The following PRMT9 variants were observed in gnomAD, a reference collection of about 807,000 sequenced individuals.
The protein encoded by PRMT9 is protein arginine methyltransferase 9.
PRMT9 carries 59 observed loss-of-function variants against 83.2 expected under a neutral mutation model. The observed-to-expected ratio is 0.71, with a 90% CI of 0.57 to 0.88. The LOEUF (loss-of-function observed/expected upper bound fraction) is 0.88. Ranked by LOEUF, PRMT9 falls within the 40% of genes least tolerant of loss-of-function variation. The probability of loss-of-function intolerance (pLI) is 0.00; values close to 1 mark genes in which losing one functional copy is unlikely to be tolerated. For missense variants in PRMT9, 947 were observed against 1,021.9 expected (o/e 0.93, Z 1.00); for synonymous variants, 333 against 353.2 (o/e 0.94, Z 0.64).
intron 2 of PRMT9, among the ~76,000 whole-genome samples, chr4:147,678,725 T>C (rs138563319): frequency 6.6e-6 from 1 of 152,190 alleles, no homozygotes; most frequent in African/African-American, 2.4e-5. Flanking sequence ...CAGCTCCCAG[T>C]AGAAACCCTG....
At chr4:147,665,192 G>A (rs376814323) in intron 6 of PRMT9, among the ~76,000 whole-genome samples, 35 of 149,652 alleles carry the variant, frequency 2.3e-4, no homozygotes, top group Non-Finnish European at 4.3e-4. Flanking sequence ...TCCTTTTGTC[G>A]TAATTTGAAA....
In PRMT9 at chr4:147,638,635, G is replaced by A; in HGVS notation, c.2435C>T (p.Ala812Val). The A allele has an allele frequency of 6.2e-7, 1 of 1,613,376 alleles. No homozygotes were observed. The highest frequency in any genetic ancestry group is 8.5e-7 in the Non-Finnish European group (1 of 1,179,366). Residue 812 changes from alanine (A) to valine (V), a missense_variant, in exon 12 of 12, where the codon GCT becomes GTT. Coordinates refer to ENST00000322396, the MANE Select transcript of PRMT9 (RefSeq NM_138364.4). ...TSSEASHWKQ[A>V]AVVLDNPIQV... ...GATGGGATTATCTAAAACAACTGCA[G>A]CTTGTTTCCAGTGGGAGGCTTCACT...
Position 147,673,869 on chromosome 4 carries a change from C to G in PRMT9, c.344G>C (p.Gly115Ala), listed in dbSNP as rs1735898905. ...NSMGEHLFRM[G>A]FRDEAAGYFH... Reference sequence around the variant, plus strand: ...ATACCCAGCTGCTTCATCCCTAAAGCCCATTCTAGAGTAAAAAATGACAAA... The same window carrying G: ...ATACCCAGCTGCTTCATCCCTAAAGGCCATTCTAGAGTAAAAAATGACAAA... Residue 115 changes from glycine (G) to alanine (A), a missense_variant, in exon 3 of 12, where the codon GGC becomes GCC. Transcript: ENST00000322396. 6.2e-7 allele frequency: 1 copy of G among 1,612,362 alleles called. No individual in the cohort carries two copies. The highest frequency in any genetic ancestry group is 1.3e-5 in the African/African-American group (1 of 74,898).
rs78679149 is a variant in PRMT9, at chr4:147,669,086, T to TA, written c.847-442dup. ...GGGCTACAGAGCAAGACTCCATCTT[T>TA]AAAAAAAAAAAAGTATTTTTGGCCA... On this transcript the variant is annotated intron_variant, in intron 5 of 11. Transcript: ENST00000322396. Among the ~76,000 whole-genome samples the TA allele has an allele frequency of 5.0e-3, 722 of 144,748 alleles. 4 individuals are homozygous for TA. The highest frequency in any genetic ancestry group is 0.016 in the African/African-American group (622 of 39,638). The allele number at this position is 144,748 out of a possible 152,430, so 95.0% of individuals were successfully genotyped here.
intron 1 of PRMT9, among the ~76,000 whole-genome samples, chr4:147,683,070 AG>A (rs1736599746): frequency 6.6e-6 from 1 of 152,266 alleles, no homozygotes; most frequent in Non-Finnish European, 1.5e-5. Context: ...ATTTCAACAG[AG>A]TAATTGTTGC....
At chr4:147,653,664 T>C (rs1259838101) in intron 9 of PRMT9, among the ~76,000 whole-genome samples, 188 bp downstream of exon 9, 1 of 151,998 alleles carries the variant, frequency 6.6e-6, no homozygotes, top group Non-Finnish European at 1.5e-5. Context: ...TTAGAGGACC[T>C]CCCACTGGCC....
intron 10 of PRMT9, 94 bp from the exon 11 acceptor site, chr4:147,639,176 T>C: frequency 1.5e-6 from 2 of 1,328,494 alleles, no homozygotes. Flanking sequence ...TGGTCAGGGA[T>C]TGCTTTGTAC....
Position 147,643,672 on chromosome 4 carries a change from T to C in PRMT9, c.2046-732A>G, listed in dbSNP as rs137894389. 2.1e-3 allele frequency among the ~76,000 whole-genome samples: 315 copies of C among 152,304 alleles called. 1 individual carries two copies. Among genetic ancestry groups the C allele is most frequent in the Middle Eastern group, 0.014 (4 of 294 alleles). ...GAATGGAGAAATGTGTAGATACAAC[T>C]TAAACCATGTGATTGTATTAACATC... On this transcript the variant is annotated intron_variant, in intron 9 of 11. Transcript: ENST00000322396.
intron 10 of PRMT9, among the ~76,000 whole-genome samples, chr4:147,642,243 C>CT (rs760672163): frequency 9.9e-4 from 144 of 146,142 alleles, no homozygotes; most frequent in African/African-American, 1.5e-3. Flanking sequence ...TATCTAAAAA[C>CT]TTTTTTTTTT....
chr4:147,678,865 T>C (rs1262343693), intron 2 of PRMT9, among the ~76,000 whole-genome samples: 1 of 152,230 alleles, frequency 6.6e-6, no homozygotes, highest in Non-Finnish European at 1.5e-5. Flanking sequence ...GCACCTGGTT[T>C]TCCTTTACAC....
rs199616123 is a variant in PRMT9, at chr4:147,653,875, T to C, written c.2022A>G (p.Ile674Met). Residue 674 changes from isoleucine to methionine, a missense_variant, in exon 9 of 12, where the codon ATA becomes ATG. Coordinates refer to ENST00000322396, the MANE Select transcript of PRMT9 (RefSeq NM_138364.4). ...ACCTGGATATTGCAGCTTTTTCCAT[T>C]ATTTCCTGCTGAATGAGCCCAGATG... ...IEPSGLIQQE[I>M]MEKAAISRCL... The C allele has an allele frequency of 2.7e-4, 428 of 1,613,880 alleles. 1 individual carries two copies. Among genetic ancestry groups the C allele is most frequent in the Non-Finnish European group, 3.2e-4 (382 of 1,179,850 alleles).
rs1204227422 is a variant in PRMT9, at chr4:147,639,078, G to C, written c.2204C>G (p.Pro735Arg). The C allele has an allele frequency of 5.0e-6, 8 of 1,613,306 alleles. No individual in the cohort carries two copies. Among genetic ancestry groups the C allele is most frequent in the Non-Finnish European group, 6.8e-6 (8 of 1,179,520 alleles). ...GGATAGGTCCAAAAATACACGTATA[G>C]GTACCTAGAGAAAGTATAAATTTTT... ...IAPFINQFQVPIRVFLDLSSL... is the reference protein window; with the variant it reads ...IAPFINQFQVRIRVFLDLSSL... The change falls in exon 11 of 12, where the codon CCT becomes CGT. Residue 735 changes from proline to arginine, a missense_variant. Coordinates refer to ENST00000322396, the MANE Select transcript of PRMT9 (RefSeq NM_138364.4).
chr4:147,654,235 A>G lies in PRMT9; in HGVS notation c.1662T>C (p.Tyr554=), dbSNP rs1734325192. ...TCTGACAGTGAGTATCCATGGTCTG[A>G]TACAGTTTCTCTGGAGTCAGTGAAG... The part of the protein sequence containing the change: ...VLSSLTPEKL[Y]QTMDTHCQNE... Residue 554 remains tyrosine (Y), a synonymous_variant, in exon 9 of 12, where the codon TAT becomes TAC. Coordinates refer to ENST00000322396, the MANE Select transcript of PRMT9 (RefSeq NM_138364.4). 6.2e-7 allele frequency: 1 copy of G among 1,614,040 alleles called. No individual in the cohort carries two copies. The highest frequency in any genetic ancestry group is 1.3e-5 in the African/African-American group (1 of 74,916).
At chr4:147,645,667 A>T (rs763625648) in intron 9 of PRMT9, among the ~76,000 whole-genome samples, 2 of 152,178 alleles carry the variant, frequency 1.3e-5, no homozygotes, top group South Asian at 4.1e-4. Context: ...CTAAGTTTGA[A>T]AATTTTCAAA....
chr4:147,680,711 TAGC>T (rs1363419104), intron 1 of PRMT9, among the ~76,000 whole-genome samples: 1 of 152,228 alleles, frequency 6.6e-6, no homozygotes, highest in African/African-American at 2.4e-5. Context: ...CCCCCACTCT[TAGC>T]TGCTGTATCA....
chr4:147,649,443 C>T (rs1733952033), intron 9 of PRMT9, among the ~76,000 whole-genome samples: 1 of 152,094 alleles, frequency 6.6e-6, no homozygotes, highest in Admixed American at 6.6e-5. Context: ...AAAGAGCTTA[C>T]CAAACCTTCA....
At position 147,668,613 on chromosome 4, in the gene PRMT9, A is replaced by G. The variant is rs1735514566; in HGVS notation, c.879T>C (p.Tyr293=). ...TKGESANCEK[Y]GKVIPASAVI... is the part of the protein sequence containing the mutation. Reference sequence around the variant, plus strand: ...CAGCACTTGCTGGTATAACTTTCCCATACTTTTCACAATTAGCACTTTCAC... The same window carrying G: ...CAGCACTTGCTGGTATAACTTTCCCGTACTTTTCACAATTAGCACTTTCAC... The change falls in exon 6 of 12, where the codon TAT becomes TAC. Residue 293 remains tyrosine, a synonymous_variant. Transcript: ENST00000322396. The G allele has an allele frequency of 3.7e-6, 6 of 1,612,112 alleles. 1 individual carries two copies. In the Middle Eastern group the frequency reaches 8.3e-4, roughly 222 times the overall value.
At position 147,668,593 on chromosome 4, in the gene PRMT9, C is replaced by G; in HGVS notation, c.899G>C (p.Ser300Thr). 6.2e-7 allele frequency: 1 copy of G among 1,612,762 alleles called. No individual in the cohort carries two copies. The highest frequency in any genetic ancestry group is 1.7e-5 in the Admixed American group (1 of 60,030). ...CEKYGKVIPA[S>T]AVIFGMAVEC... ...TACTGCCATCCCAAATATAACAGCACTTGCTGGTATAACTTTCCCATACTT... is the reference window on the plus strand; with the variant it reads ...TACTGCCATCCCAAATATAACAGCAGTTGCTGGTATAACTTTCCCATACTT... The change falls in exon 6 of 12, where the codon AGT becomes ACT. Residue 300 changes from serine (S) to threonine (T), a missense_variant. Transcript: ENST00000322396.
intron 1 of PRMT9, among the ~76,000 whole-genome samples, chr4:147,683,483 A>C (rs1736636551): frequency 6.6e-6 from 1 of 152,224 alleles, no homozygotes. Context: ...GATTCTGGAC[A>C]TATTTCGAAG....
Sources: allele counts gnomAD v4.1 joint callset (sites outside exome capture counted in the v4.1 genomes callset), GRCh38; gene constraint gnomAD v4.1.1; transcripts MANE v1.5; gene names NCBI Gene and HGNC (gene_info 2026-07-23, HGNC 2026-07-21).